DNAJC5B: variants seen among roughly 807,000 people sequenced by gnomAD.
The protein encoded by DNAJC5B is DnaJ heat shock protein family (Hsp40) member C5 beta.
Under a neutral mutation model 24.7 loss-of-function variants are expected in DNAJC5B, and 23 were observed. The ratio of observed to expected loss-of-function variants is 0.93; its 90% CI spans 0.67 to 1.32. DNAJC5B has a LOEUF of 1.32. DNAJC5B is among the 40% of genes most tolerant of loss of function. The pLI is 0.00. For missense variants in DNAJC5B, 238 were observed against 240.8 expected (o/e 0.99, Z 0.08); for synonymous variants, 101 against 90.1 (o/e 1.12, Z -0.68).
intron 2 of DNAJC5B, among the ~76,000 whole-genome samples, chr8:66,044,765 T>C (rs1806689083): frequency 2.0e-5 from 3 of 152,208 alleles, no homozygotes; most frequent in Admixed American, 2.0e-4. Context: ...TGTTCAAAAT[T>C]AAATCACTTA....
intron 5 of DNAJC5B, among the ~76,000 whole-genome samples, chr8:66,096,168 C>T (rs111661447): frequency 0.019 from 2,948 of 152,214 alleles, 108 homozygotes; most frequent in African/African-American, 0.068. Flanking sequence ...CACCCCTCTT[C>T]TTGTTTTGTA....
At chr8:66,026,173 C>T (rs1406387803) in intron 1 of DNAJC5B, among the ~76,000 whole-genome samples, 2 of 144,550 alleles carry the variant, frequency 1.4e-5, no homozygotes, top group African/African-American at 5.5e-5. Flanking sequence ...GTATTTTATT[C>T]TCTTTGAAGC....
intron 3 of DNAJC5B, among the ~76,000 whole-genome samples, chr8:66,063,959 GC>G (rs1338011688): frequency 6.6e-6 from 1 of 152,080 alleles, no homozygotes; most frequent in African/African-American, 2.4e-5. Flanking sequence ...ATCTTCTCCA[GC>G]AATGCTGGCC....
intron 3 of DNAJC5B, among the ~76,000 whole-genome samples, chr8:66,071,001 G>T (rs28770228): frequency 0.04 from 6,149 of 152,174 alleles, 415 homozygotes; most frequent in African/African-American, 0.14. Context: ...CTAACCATAT[G>T]CAGAAAACTG....
At chr8:66,038,594 G>T (rs1191415563) in intron 1 of DNAJC5B, among the ~76,000 whole-genome samples, 2 of 152,142 alleles carry the variant, frequency 1.3e-5, no homozygotes, top group African/African-American at 2.4e-5. Flanking sequence ...ATAAAATTCA[G>T]TTTAACTCAA....
intron 3 of DNAJC5B, among the ~76,000 whole-genome samples, chr8:66,071,296 A>C (rs930469129): frequency 2.0e-5 from 3 of 152,224 alleles, no homozygotes; most frequent in Non-Finnish European, 4.4e-5. Context: ...TTTGCAATCT[A>C]TCCATCTGAC....
intron 3 of DNAJC5B, among the ~76,000 whole-genome samples, chr8:66,058,480 C>T (rs1176678111): frequency 2.0e-5 from 3 of 152,196 alleles, no homozygotes; most frequent in Non-Finnish European, 4.4e-5. Context: ...CTAACTAGCT[C>T]TGATTCAGGG....
intron 5 of DNAJC5B, among the ~76,000 whole-genome samples, chr8:66,082,690 C>T (rs572148485): frequency 1.3e-5 from 2 of 152,110 alleles, no homozygotes; most frequent in African/African-American, 2.4e-5. Context: ...TTAGCAGCTC[C>T]TATGCAGGGA....
chr8:66,091,931 A>G (rs1391601204), intron 5 of DNAJC5B, among the ~76,000 whole-genome samples: 3 of 152,216 alleles, frequency 2.0e-5, no homozygotes, highest in Non-Finnish European at 4.4e-5. Context: ...CAAACATTGT[A>G]TGATTCCATT....
intron 3 of DNAJC5B, among the ~76,000 whole-genome samples, chr8:66,073,925 A>G (rs1807407153): frequency 1.3e-5 from 2 of 152,204 alleles, no homozygotes. Flanking sequence ...TTGAGGAACA[A>G]ATTGGTTAAT....
chr8:66,088,254 C>A (rs1193839332), intron 5 of DNAJC5B, among the ~76,000 whole-genome samples: 1 of 152,186 alleles, frequency 6.6e-6, no homozygotes, highest in African/African-American at 2.4e-5. Flanking sequence ...TCATCTGGAG[C>A]TGGAGTGGCT....
chr8:66,080,382 G>A lies in DNAJC5B; in HGVS notation c.339G>A (p.Leu113=), dbSNP rs746313110. ...CTTTACCTCTGTTTCCCTAGGCCCT[G>A]TTTGTCATCGTTGGCCTCTTGACGG... ...FMLSSWWAKA[L]FVIVGLLTGC... The change falls in exon 5 of 6, where the codon CTG becomes CTA. Residue 113 remains leucine (L), a synonymous_variant. Transcript: ENST00000276570. 13 of 1,612,008 alleles carry A rather than the reference G, an allele frequency of 8.1e-6. No homozygotes were observed. The highest frequency in any genetic ancestry group is 1.1e-5 in the Non-Finnish European group (13 of 1,179,176).
At chr8:66,089,358 C>T (rs1807796641) in intron 5 of DNAJC5B, among the ~76,000 whole-genome samples, 1 of 152,180 alleles carries the variant, frequency 6.6e-6, no homozygotes, top group Non-Finnish European at 1.5e-5. Flanking sequence ...GAACACAGAG[C>T]CAAACCATAT....
At chr8:66,087,241 C>T (rs1807746630) in intron 5 of DNAJC5B, among the ~76,000 whole-genome samples, 2 of 152,110 alleles carry the variant, frequency 1.3e-5, no homozygotes, top group Admixed American at 1.3e-4. Context: ...GGGGAAGTTC[C>T]ACACTTTTAA....
intron 1 of DNAJC5B, among the ~76,000 whole-genome samples, chr8:66,035,320 C>G (rs535653400): frequency 1.3e-5 from 2 of 152,334 alleles, no homozygotes; most frequent in East Asian, 3.9e-4. Flanking sequence ...GTAAAAGAGA[C>G]ATGTCCTAAT....
At position 66,100,986 on chromosome 8, in the gene DNAJC5B, T is replaced by C. The variant is rs1241698217; in HGVS notation, c.*955T>C. On this transcript the variant is annotated 3_prime_UTR_variant, in exon 6 of 6. Coordinates refer to ENST00000276570, the MANE Select transcript of DNAJC5B (RefSeq NM_033105.6). ...TTTGATTCTTGTATTTATTATGTGG[T>C]AGAAACCATGTGCTATTTCTAAAAT... 1.3e-5 allele frequency among the ~76,000 whole-genome samples: 2 copies of C among 152,240 alleles called. No homozygotes were observed. Among genetic ancestry groups the C allele is most frequent in the Non-Finnish European group, 2.9e-5 (2 of 68,048 alleles).
chr8:66,085,455 A>T (rs1807701342), intron 5 of DNAJC5B, among the ~76,000 whole-genome samples: 1 of 151,786 alleles, frequency 6.6e-6, no homozygotes, highest in Non-Finnish European at 1.5e-5. Context: ...AATAAAAATA[A>T]AAATAAATCC....
Position 66,026,541 on chromosome 8 carries a change from C to T in DNAJC5B, c.-142+4836C>T, listed in dbSNP as rs566059327. 3.3e-5 allele frequency among the ~76,000 whole-genome samples: 5 copies of T among 152,382 alleles called. No individual in the cohort carries two copies. The South Asian group carries it at 1.0e-3, about 32-fold the overall frequency. On this transcript the variant is annotated intron_variant, in intron 1 of 5. Transcript: ENST00000276570. ...AGCAGAGTCTCCTCTTGCTGCCGTC[C>T]CCTGAGGCGCCTTGGCAGGCGGCCA...
At chr8:66,095,423 T>G (rs1807929712) in intron 5 of DNAJC5B, among the ~76,000 whole-genome samples, 1 of 151,820 alleles carries the variant, frequency 6.6e-6, no homozygotes, top group Non-Finnish European at 1.5e-5. Context: ...CTCTTTTTTT[T>G]AACCATTCTC....
Sources: gnomAD v4.1 joint callset for allele counts (sites outside exome capture counted in the v4.1 genomes callset) on GRCh38, gnomAD v4.1.1 for gene constraint, MANE v1.5 for transcripts, NCBI Gene and HGNC (gene_info 2026-07-23, HGNC 2026-07-21) for gene names.